The following VWF variants were observed in gnomAD, a reference collection of about 807,000 sequenced individuals.
VWF encodes von Willebrand factor, also known as Factor VIII related antigen.
Under a neutral mutation model 308.6 loss-of-function variants are expected in VWF, and 176 were observed. The ratio of observed to expected loss-of-function variants is 0.57; its 90% CI spans 0.50 to 0.65. VWF has a LOEUF of 0.65. Ranked by LOEUF, VWF falls within the 30% of genes least tolerant of loss-of-function variation. VWF has a pLI of 0.00. For synonymous variants in VWF, 1,385 were observed against 1,443.4 expected (o/e 0.96, Z 0.92); for missense variants, 3,146 against 3,648.2 (o/e 0.86, Z 3.55).
intron 6 of VWF, among the ~76,000 whole-genome samples, chr12:6,092,632 T>TGAGAGTCAGAGAGAGAGAGA (rs1430723950): frequency 1.5e-5 from 1 of 66,014 alleles, no homozygotes; most frequent in African/African-American, 1.1e-4. Flanking sequence ...TGTGTGTGTG[T>TGAGAGTCAGAGAGAGAGAGA]GTGTGTGTGT....
rs1045426496 is a variant in VWF, at chr12:6,075,810, T to C, written c.658-259A>G. Among the ~76,000 whole-genome samples the C allele has an allele frequency of 6.6e-6, 1 of 152,226 alleles. No individual in the cohort carries two copies. Among genetic ancestry groups the C allele is most frequent in the African/African-American group, 2.4e-5 (1 of 41,458 alleles). ...AAATGCAGAGTCCAAGGCCCTGGAT[T>C]GCCATGGTGGGCAGTGTCCTAGGAA... On this transcript the variant is annotated intron_variant, in intron 6 of 51. Transcript: ENST00000261405. The surrounding 1 kb of genome is among the most constrained non-coding windows in gnomAD (Gnocchi z 4.7).
At chr12:6,119,599 A>C (rs995711528) in intron 3 of VWF, among the ~76,000 whole-genome samples, 15 of 152,038 alleles carry the variant, frequency 9.9e-5, no homozygotes, top group African/African-American at 3.6e-4. Flanking sequence ...TAATCCCAGC[A>C]CTTTGGGAGG....
intron 47 of VWF, among the ~76,000 whole-genome samples, chr12:5,961,061 G>C (rs190172877): frequency 6.6e-6 from 1 of 152,154 alleles, no homozygotes; most frequent in Admixed American, 6.5e-5. Context: ...CACATGTGAG[G>C]GATCCAGGTT....
chr12:6,048,778 G>C (rs1944475414), intron 16 of VWF, among the ~76,000 whole-genome samples: 1 of 152,176 alleles, frequency 6.6e-6, no homozygotes, highest in Admixed American at 6.5e-5. Flanking sequence ...TAATGATTTT[G>C]AACATTTTTA....
At chr12:6,043,525 G>T (rs1480971570) in intron 18 of VWF, among the ~76,000 whole-genome samples, 4 of 147,296 alleles carry the variant, frequency 2.7e-5, no homozygotes, top group Non-Finnish European at 6.0e-5. Context: ...TTTTGAAAGA[G>T]AAACATCTGG....
chr12:6,016,649 A>G lies in VWF; in HGVS notation c.5178T>C (p.Arg1726=). Residue 1726 remains arginine (R), a synonymous_variant, in exon 30 of 52, where the codon CGT becomes CGC. Transcript: ENST00000261405. ...AFISKANIGP[R]LTQVSVLQYG... ...ACTGCAGCACTGACACCTGAGTGAG[A>G]CGAGGCCCTAAACGGAACGAGAAAA... 1 of 1,614,252 alleles carries G rather than the reference A, an allele frequency of 6.2e-7. No individual in the cohort carries two copies. The highest frequency in any genetic ancestry group is 8.5e-7 in the Non-Finnish European group (1 of 1,180,054).
At chr12:6,068,134 C>CA (rs200782717) in intron 10 of VWF, among the ~76,000 whole-genome samples, 1,398 of 57,326 alleles carry the variant, frequency 0.024, 27 homozygotes, top group East Asian at 0.076. Flanking sequence ...AACTCTGTCT[C>CA]AAAAAAAAAA....
chr12:6,072,321 C>T lies in VWF; in HGVS notation c.1109+10G>A. The T allele has an allele frequency of 1.9e-6, 3 of 1,613,330 alleles. No homozygotes were observed. The highest frequency in any genetic ancestry group is 2.5e-6 in the Non-Finnish European group (3 of 1,179,482). On this transcript the variant is annotated intron_variant, in intron 9 of 51. Transcript: ENST00000261405. ...AGGTCTCCCAGAGCACGCTGCGCAG[C>T]CCCCATTACCAGGTGTTGCAGTCTC...
chr12:6,102,161 G>A lies in VWF; in HGVS notation c.533-6577C>T, dbSNP rs542059452. Among the ~76,000 whole-genome samples, 166 of 152,374 alleles carry A rather than the reference G, an allele frequency of 1.1e-3. 1 individual carries two copies. The highest frequency in any genetic ancestry group is 3.7e-3 in the African/African-American group (155 of 41,594). ...AAAATGTTCAAAACCATTACAGTCA[G>A]CTGGGCAAGGTGGCTCACACCTGTA... On this transcript the variant is annotated intron_variant, in intron 5 of 51. Transcript: ENST00000261405.
chr12:5,998,270 G>A lies in VWF; in HGVS notation c.5843-2048C>T, dbSNP rs921071490. 4.6e-5 allele frequency among the ~76,000 whole-genome samples: 7 copies of A among 151,024 alleles called. No individual in the cohort carries two copies. In the South Asian group the frequency reaches 8.4e-4, roughly 18 times the overall value. ...TCTCAGCACTTTGGAAGGCCGAGGC[G>A]GGCGGATCACAAGGTCAGGAGATCG... is the stretch of plus-strand genomic sequence containing the variant. On this transcript the variant is annotated intron_variant, in intron 34 of 51. Transcript: ENST00000261405.
At position 6,075,546 on chromosome 12, in the gene VWF, C is replaced by T. The variant is rs1470192510; in HGVS notation, c.663G>A (p.Leu221=). The T allele has an allele frequency of 6.2e-7, 1 of 1,613,458 alleles. No homozygotes were observed. Among genetic ancestry groups the T allele is most frequent in the Admixed American group, 1.7e-5 (1 of 59,920 alleles). ...NISSGEMQKG[L]WEQCQLLKST... ...TCTTCAGAAGCTGGCACTGCTCCCA[C>T]AGGCCCTGCAGGAAGAGGGGCCGCC... Residue 221 remains leucine, a synonymous_variant, in exon 7 of 52, where the codon CTG becomes CTA. Transcript: ENST00000261405. The surrounding 1 kb of genome is among the most constrained non-coding windows in gnomAD (Gnocchi z 4.7).
At chr12:6,092,632 T>TGAGAGTGAGAGAGAGAGAGA (rs1430723950) in intron 6 of VWF, among the ~76,000 whole-genome samples, 17 of 66,014 alleles carry the variant, frequency 2.6e-4, no homozygotes, top group African/African-American at 1.6e-3. Flanking sequence ...TGTGTGTGTG[T>TGAGAGTGAGAGAGAGAGAGA]GTGTGTGTGT....
rs756194924 is a variant in VWF, at chr12:6,073,785, C to G, written c.875-44G>C. ...GGGGTCTACCCAGGGCAGGTCCCAC[C>G]GGTGCATCATCTCACCAGCCATGCC... On this transcript the variant is annotated intron_variant, in intron 7 of 51. Coordinates refer to ENST00000261405, the MANE Select transcript of VWF (RefSeq NM_000552.5). 5.6e-6 allele frequency: 9 copies of G among 1,612,262 alleles called. No individual in the cohort carries two copies. The Admixed American group carries it at 1.0e-4, about 18-fold the overall frequency.
In VWF at chr12:6,058,246, T is replaced by C. The variant is rs933361381; in HGVS notation, c.1534-202A>G. Among the ~76,000 whole-genome samples, 1 of 152,148 alleles carries C rather than the reference T, an allele frequency of 6.6e-6. No homozygotes were observed. Among genetic ancestry groups the C allele is most frequent in the East Asian group, 1.9e-4 (1 of 5,190 alleles). ...CTGCAGTGTAAATTTACCAGCTCCA[T>C]CCCTGTTCCCAAATCATCAGAGCCC... On this transcript the variant is annotated intron_variant, in intron 13 of 51. Coordinates refer to ENST00000261405, the MANE Select transcript of VWF (RefSeq NM_000552.5). This position sits in a 1 kb window ranked among gnomAD's most constrained non-coding sequence, Gnocchi z 4.9.
At chr12:6,057,563 TG>T (rs1368298434) in intron 14 of VWF, among the ~76,000 whole-genome samples, 2 of 148,258 alleles carry the variant, frequency 1.3e-5, no homozygotes, top group East Asian at 3.9e-4. Flanking sequence ...TTGCCCAGAC[TG>T]GTCTCGAACT....
chr12:5,991,646 A>C (rs964141622), intron 38 of VWF, among the ~76,000 whole-genome samples, 173 bp downstream of exon 38: 6 of 152,244 alleles, frequency 3.9e-5, no homozygotes, highest in African/African-American at 1.4e-4. Flanking sequence ...ATTTGAACCA[A>C]GAGCTATCTG....
chr12:5,961,024 C>G (rs183811416), intron 47 of VWF, among the ~76,000 whole-genome samples: 1 of 152,158 alleles, frequency 6.6e-6, no homozygotes, highest in African/African-American at 2.4e-5. Context: ...TAGATTCTCA[C>G]AGGAGCCCAA....
chr12:6,007,765 G>C (rs1943945626), intron 34 of VWF, among the ~76,000 whole-genome samples: 1 of 151,994 alleles, frequency 6.6e-6, no homozygotes, highest in South Asian at 2.1e-4. Context: ...CTTAGAATTG[G>C]TTTTTTAAAG....
At chr12:6,070,301 C>T (rs2239157) in intron 10 of VWF, among the ~76,000 whole-genome samples, 34,440 of 152,034 alleles carry the variant, frequency 0.23, 5,382 homozygotes, top group African/African-American at 0.45. Context: ...CCAGAATTTT[C>T]CCAGTGTAGA....
Sources: gnomAD v4.1 joint callset for allele counts (sites outside exome capture counted in the v4.1 genomes callset) on GRCh38, gnomAD v4.1.1 for gene constraint, Gnocchi (gnomAD v3.1) non-coding constraint, MANE v1.5 for transcripts, NCBI Gene and HGNC (gene_info 2026-07-23, HGNC 2026-07-21) for gene names.